IL17RB: variants seen among roughly 807,000 people sequenced by gnomAD.
IL17RB encodes interleukin 17 receptor B, also known as interleukin-17 receptor B.
IL17RB carries 36 observed loss-of-function variants against 43.9 expected under a neutral mutation model. That is an observed-to-expected ratio of 0.82 (90% CI 0.63 to 1.08). The LOEUF (loss-of-function observed/expected upper bound fraction) is 1.08. Among genes scored for constraint, IL17RB ranks in the 50% least tolerant of loss-of-function variants. The probability of loss-of-function intolerance (pLI) is 0.00; values close to 1 mark genes in which losing one functional copy is unlikely to be tolerated. For synonymous variants in IL17RB, 225 were observed against 225.4 expected (o/e 1.00, Z 0.02); for missense variants, 613 against 613.6 (o/e 1.00, Z 0.01).
intron 1 of IL17RB, among the ~76,000 whole-genome samples, chr3:53,847,485 TAAA>T (rs11332832): frequency 8.5e-5 from 12 of 140,778 alleles, no homozygotes; most frequent in East Asian, 2.1e-4. Flanking sequence ...GCTCATTTGT[TAAA>T]AAAAAAAAAA....
In IL17RB at chr3:53,846,623, G is replaced by T; in HGVS notation, c.35G>T (p.Cys12Phe). The change falls in exon 1 of 11, where the codon TGC (cysteine) becomes TTC (phenylalanine). Residue 12 changes from cysteine (C) to phenylalanine (F), a missense_variant. Cys to Phe is a radical substitution (Grantham distance 205). Transcript: ENST00000288167. Reference protein sequence around the residue: ...SLVLLSLAALCRSAVPREPTV... With the variant: ...SLVLLSLAALFRSAVPREPTV... ...GTGCTGCTAAGCCTGGCCGCGCTGT[G>T]CAGGAGCGCCGTACCCCGAGAGCCG... is the stretch of plus-strand genomic sequence containing the variant. 1 of 1,593,716 alleles carries T rather than the reference G, an allele frequency of 6.3e-7. No individual in the cohort carries two copies. The highest frequency in any genetic ancestry group is 8.5e-7 in the Non-Finnish European group (1 of 1,173,268).
intron 9 of IL17RB, 44 bp from the exon 10 acceptor site, chr3:53,860,086 T>G: frequency 8.0e-7 from 1 of 1,252,010 alleles, no homozygotes; most frequent in Non-Finnish European, 1.2e-6. Context: ...AAGAGATAAG[T>G]GTGGATTTGT....
In IL17RB at chr3:53,865,053, C is replaced by G. The variant is rs1237594194; in HGVS notation, c.1254C>G (p.Asn418Lys). The change falls in exon 11 of 11, where the codon AAC becomes AAG. Residue 418 changes from asparagine (N) to lysine (K), a missense_variant. Asn to Lys is a moderately conservative substitution (Grantham distance 94). Coordinates refer to ENST00000288167, the MANE Select transcript of IL17RB (RefSeq NM_018725.4). ...AGAGCGAGGGCAGTCCCAGTGAGAA[C>G]TCTCAAGACCTCTTCCCCCTTGCCT... Reference protein sequence around the residue: ...CGKSEGSPSENSQDLFPLAFN... With the variant: ...CGKSEGSPSEKSQDLFPLAFN... 1 of 1,614,162 alleles carries G rather than the reference C, an allele frequency of 6.2e-7. No homozygotes were observed. Among genetic ancestry groups the G allele is most frequent in the East Asian group, 2.2e-5 (1 of 44,886 alleles).
intron 5 of IL17RB, 95 bp downstream of exon 5, chr3:53,853,092 T>A: frequency 6.9e-7 from 1 of 1,444,808 alleles, no homozygotes; most frequent in Non-Finnish European, 9.6e-7. Context: ...GGATAAGGCT[T>A]TTGGCCTTGC....
chr3:53,859,932 C>G, intron 9 of IL17RB, 198 bp from the exon 10 acceptor site: 1 of 463,606 alleles, frequency 2.2e-6, no homozygotes, highest in South Asian at 3.1e-5. Flanking sequence ...ATTGCTTGAA[C>G]CCGGGAGACG....
At chr3:53,851,182 G>T (rs1412210808) in intron 3 of IL17RB, among the ~76,000 whole-genome samples, 1 of 152,168 alleles carries the variant, frequency 6.6e-6, no homozygotes, top group Non-Finnish European at 1.5e-5. Flanking sequence ...CCATCCTTTT[G>T]GTTTCCATCT....
At chr3:53,859,917 G>A in intron 9 of IL17RB, 1 of 448,518 alleles carries the variant, frequency 2.2e-6, no homozygotes, top group Non-Finnish European at 4.0e-6. Flanking sequence ...GGAGGCTGAG[G>A]CAGCATTGCT....
intron 5 of IL17RB, among the ~76,000 whole-genome samples, chr3:53,854,274 C>T (rs1699258181): frequency 6.6e-6 from 1 of 152,208 alleles, no homozygotes; most frequent in African/African-American, 2.4e-5. Context: ...CCCAGCTTCT[C>T]CTATTAACGT....
chr3:53,857,155 T>C (rs766269100), intron 7 of IL17RB, among the ~76,000 whole-genome samples, 169 bp downstream of exon 7: 9 of 152,184 alleles, frequency 5.9e-5, no homozygotes, highest in South Asian at 2.1e-4. Context: ...CCTCAAACCA[T>C]AGAAAGAAGG....
intron 2 of IL17RB, among the ~76,000 whole-genome samples, chr3:53,849,037 G>A (rs1305200296): frequency 1.3e-5 from 2 of 152,238 alleles, no homozygotes; most frequent in Non-Finnish European, 2.9e-5. Flanking sequence ...GCGGGTGTTT[G>A]AGATGGTGGC....
intron 8 of IL17RB, chr3:53,857,898 A>G: frequency 1.8e-6 from 1 of 567,038 alleles, no homozygotes; most frequent in East Asian, 2.9e-5. Flanking sequence ...TTTTGCTTGT[A>G]TTAATGGCTG....
chr3:53,853,139 T>G (rs1277889569), intron 5 of IL17RB, 142 bp downstream of exon 5: 1 of 922,504 alleles, frequency 1.1e-6, no homozygotes, highest in Non-Finnish European at 1.7e-6. Context: ...ATGGACACAG[T>G]AGTAACCATA....
chr3:53,859,060 G>GA (rs1699459834), intron 9 of IL17RB: 1 of 410,602 alleles, frequency 2.4e-6, no homozygotes. Flanking sequence ...ACACAGAAGG[G>GA]AAAAAAATAC....
At chr3:53,849,915 A>G in intron 3 of IL17RB, 120 bp downstream of exon 3, 1 of 916,498 alleles carries the variant, frequency 1.1e-6, no homozygotes, top group Non-Finnish European at 1.6e-6. Context: ...GCATACACGC[A>G]CCAAAAGCCA....
chr3:53,861,459 A>G (rs1699561906), intron 10 of IL17RB: 1 of 152,240 alleles, frequency 6.6e-6, no homozygotes, highest in African/African-American at 2.4e-5. Context: ...CAGCTACACC[A>G]GCAGACATGA....
At chr3:53,859,817 A>G (rs1699492271) in intron 9 of IL17RB, 2 of 204,098 alleles carry the variant, frequency 9.8e-6, no homozygotes, top group South Asian at 2.3e-4. Context: ...CAGACTCTCT[A>G]AAGAGCTTCT....
intron 9 of IL17RB, chr3:53,859,028 G>A (rs1699458728): frequency 4.1e-6 from 2 of 486,280 alleles, no homozygotes; most frequent in Admixed American, 3.6e-5. Context: ...AAAACCACTC[G>A]TGACTCTTTA....
At position 53,852,134 on chromosome 3, in the gene IL17RB, CTTTTTTG is replaced by C. The variant is rs1699173262; in HGVS notation, c.354+20_354+26del. 3 of 1,613,692 alleles carry C rather than the reference CTTTTTTG, an allele frequency of 1.9e-6. No homozygotes were observed. The highest frequency in any genetic ancestry group is 2.5e-6 in the Non-Finnish European group (3 of 1,179,818). On this transcript the variant is annotated intron_variant, in intron 4 of 10. Transcript: ENST00000288167. ...AGACCCTCTGGTGGTAAAGTAAGCA[CTTTTTTG>C]TTTTTTGTTTTGTTTTTTGAGATAG...
chr3:53,856,934 A>T lies in IL17RB; in HGVS notation c.620A>T (p.Tyr207Phe). Residue 207 changes from tyrosine to phenylalanine, a missense_variant, in exon 7 of 11, where the codon TAC (tyrosine) becomes TTC (phenylalanine). Transcript: ENST00000288167. Reference protein sequence around the residue: ...NFTTTPLGNRYMALIQHSTII... With the variant: ...NFTTTPLGNRFMALIQHSTII... Reference sequence around the variant, plus strand: ...ACAACCACTCCCCTGGGAAACAGATACATGGCTCTTATCCAACACAGCACT... The same window carrying T: ...ACAACCACTCCCCTGGGAAACAGATTCATGGCTCTTATCCAACACAGCACT... The T allele has an allele frequency of 6.2e-7, 1 of 1,614,152 alleles. No individual in the cohort carries two copies. Among genetic ancestry groups the T allele is most frequent in the African/African-American group, 1.3e-5 (1 of 75,066 alleles).
Sources: gnomAD v4.1 joint callset for allele counts (sites outside exome capture counted in the v4.1 genomes callset) on GRCh38, gnomAD v4.1.1 for gene constraint, MANE v1.5 for transcripts, NCBI Gene and HGNC (gene_info 2026-07-23, HGNC 2026-07-21) for gene names.